The following MOCOS variants were observed in gnomAD, a reference collection of about 807,000 sequenced individuals.
MOCOS encodes the protein human molybdenum cofactor sulfurase.
MOCOS carries 86 observed loss-of-function variants against 83.6 expected under a neutral mutation model. That is an observed-to-expected ratio of 1.03 (90% CI 0.86 to 1.23). The LOEUF is 1.23. Among genes scored for constraint, MOCOS ranks in the 50% most tolerant of loss-of-function variants. The probability of loss-of-function intolerance (pLI) is 0.00; values close to 1 mark genes in which losing one functional copy is unlikely to be tolerated. For missense variants in MOCOS, 1,120 were observed against 1,126.9 expected (o/e 0.99, Z 0.09); for synonymous variants, 445 against 434.7 (o/e 1.02, Z -0.29).
At position 36,255,037 on chromosome 18, in the gene MOCOS, G is replaced by A. The variant is rs185931796; in HGVS notation, c.2165-1931G>A. Among the ~76,000 whole-genome samples, 75 of 151,988 alleles carry A rather than the reference G, an allele frequency of 4.9e-4. No homozygotes were observed. In the East Asian group the frequency reaches 8.7e-3, roughly 18 times the overall value. On this transcript the variant is annotated intron_variant, in intron 11 of 14. Coordinates refer to ENST00000261326, the MANE Select transcript of MOCOS (RefSeq NM_017947.4). ...CTTTGCACCCAGCCCATAATTTTTCGTAGTACACAGTTGATCAAAGCAACA... is the reference window on the plus strand; with the variant it reads ...CTTTGCACCCAGCCCATAATTTTTCATAGTACACAGTTGATCAAAGCAACA...
chr18:36,210,975 G>T (rs1290035878), intron 6 of MOCOS, among the ~76,000 whole-genome samples: 2 of 151,948 alleles, frequency 1.3e-5, no homozygotes, highest in Non-Finnish European at 2.9e-5. Context: ...GCCTGTGTGG[G>T]TGTCTGGGGA....
Position 36,211,135 on chromosome 18 carries a change from A to T in MOCOS, c.1219-2231A>T, listed in dbSNP as rs562778869. On this transcript the variant is annotated intron_variant, in intron 6 of 14. Coordinates refer to ENST00000261326, the MANE Select transcript of MOCOS (RefSeq NM_017947.4). ...GTTACGGTTTTTTCAGGTTCAGGGA[A>T]CTTCACGATATGGGAATTTCCACAG... Among the ~76,000 whole-genome samples, 54 of 152,194 alleles carry T rather than the reference A, an allele frequency of 3.5e-4. 1 individual carries two copies. The South Asian group carries it at 0.011, about 31-fold the overall frequency.
intron 9 of MOCOS, among the ~76,000 whole-genome samples, chr18:36,230,996 A>G (rs1284560128): frequency 3.3e-5 from 5 of 152,182 alleles, no homozygotes; most frequent in African/African-American, 1.2e-4. Context: ...GCACTGATGG[A>G]AGACATTCTT....
intron 9 of MOCOS, among the ~76,000 whole-genome samples, chr18:36,240,229 A>C (rs1443514727): frequency 3.1e-5 from 4 of 127,236 alleles, no homozygotes; most frequent in Non-Finnish European, 6.5e-5. Context: ...TAGAGTTTCC[A>C]GTTTTTCTGT....
intron 9 of MOCOS, among the ~76,000 whole-genome samples, chr18:36,229,389 G>A (rs1288977840): frequency 1.3e-5 from 2 of 151,980 alleles, no homozygotes; most frequent in South Asian, 2.1e-4. Context: ...TGTATTATGA[G>A]GGTTCCCTTG....
chr18:36,267,052 TG>T (rs1226476464), intron 14 of MOCOS, among the ~76,000 whole-genome samples, 199 bp downstream of exon 14: 1 of 152,084 alleles, frequency 6.6e-6, no homozygotes, highest in Non-Finnish European at 1.5e-5. Context: ...CACTTTTTTT[TG>T]TTTTACTTCA....
At chr18:36,210,850 C>CAAAAAAAAAAAAAAAAAAAAAAAAAAAAA (rs60856965) in intron 6 of MOCOS, among the ~76,000 whole-genome samples, 5 of 48,068 alleles carry the variant, frequency 1.0e-4, no homozygotes, top group Non-Finnish European at 1.4e-4. Context: ...GACTCTGTCT[C>CAAAAAAAAAAAAAAAAAAAAAAAAAAAAA]AAAAAAAAAA....
chr18:36,214,390 C>T (rs1044843363), intron 7 of MOCOS, among the ~76,000 whole-genome samples: 26 of 152,110 alleles, frequency 1.7e-4, no homozygotes, highest in South Asian at 4.1e-4. Context: ...TGAGGATGTG[C>T]CCTTACCTGG....
intron 5 of MOCOS, among the ~76,000 whole-genome samples, chr18:36,204,746 A>G (rs1456792303): frequency 3.3e-5 from 5 of 152,058 alleles, no homozygotes. Flanking sequence ...TAATCCCAGC[A>G]CTTTGGGAGG....
In MOCOS at chr18:36,262,250, T is replaced by TACACACACAC. The variant is rs71168212; in HGVS notation, c.2409+2092_2409+2101dup. Among the ~76,000 whole-genome samples the TACACACACAC allele has an allele frequency of 2.7e-3, 343 of 127,898 alleles. 6 individuals are homozygous for TACACACACAC. The highest frequency in any genetic ancestry group is 0.013 in the Middle Eastern group (3 of 238). The allele number at this position is 127,898 out of a possible 152,430, so 83.9% of individuals were successfully genotyped here. A position where few individuals can be genotyped will look rare whatever the true frequency, so the allele number is the denominator to read the frequency against. On this transcript the variant is annotated intron_variant, in intron 13 of 14. Coordinates refer to ENST00000261326, the MANE Select transcript of MOCOS (RefSeq NM_017947.4). ...AGCATAGCAAGACTTCGTCTCTCTC[T>TACACACACAC]ACACACACACACACACACACACACA...
chr18:36,241,999 C>T (rs1449369583), intron 9 of MOCOS, among the ~76,000 whole-genome samples: 1 of 152,254 alleles, frequency 6.6e-6, no homozygotes, highest in East Asian at 1.9e-4. Flanking sequence ...CCTCCTAGGC[C>T]TCCGGGCCGT....
Position 36,248,998 on chromosome 18 carries a change from C to T in MOCOS, c.2037C>T (p.Asp679=). 1.9e-6 allele frequency: 3 copies of T among 1,613,928 alleles called. No individual in the cohort carries two copies. The highest frequency in any genetic ancestry group is 1.3e-5 in the African/African-American group (1 of 75,052). The stretch of plus-strand genomic sequence containing the variant: ...TTCGCCAAAGCAGGGTCTGTGCTGA[C>T]AGGTGAGACTCTGAAGCACGTGAAA... ...TQIRQSRVCA[D]RVSTYDCGEK... is the part of the protein sequence containing the mutation. Residue 679 remains aspartate, a splice_region_variant and synonymous_variant, in exon 10 of 15, where the codon GAC becomes GAT. Coordinates refer to ENST00000261326, the MANE Select transcript of MOCOS (RefSeq NM_017947.4).
intron 12 of MOCOS, among the ~76,000 whole-genome samples, chr18:36,258,388 T>C (rs1307716818): frequency 6.6e-6 from 1 of 152,192 alleles, no homozygotes; most frequent in Non-Finnish European, 1.5e-5. Flanking sequence ...AAGCCCAAAG[T>C]GAGGGTTTAT....
intron 13 of MOCOS, among the ~76,000 whole-genome samples, chr18:36,262,782 C>A (rs1015339060): frequency 1.9e-4 from 29 of 152,318 alleles, no homozygotes; most frequent in African/African-American, 6.5e-4. Context: ...TAGGCATAGG[C>A]CACCACGCTT....
intron 9 of MOCOS, among the ~76,000 whole-genome samples, chr18:36,229,270 T>G (rs1952345476): frequency 6.6e-6 from 1 of 152,178 alleles, no homozygotes; most frequent in African/African-American, 2.4e-5. Context: ...TTTCTCAGCT[T>G]TTTCTTGGTA....
chr18:36,191,917 T>C (rs763226724), intron 1 of MOCOS, among the ~76,000 whole-genome samples: 16 of 152,226 alleles, frequency 1.1e-4, no homozygotes, highest in Non-Finnish European at 2.1e-4. Context: ...TAAATATTTC[T>C]TGAATGCAAA....
At chr18:36,260,440 G>A (rs749829392) in intron 13 of MOCOS, among the ~76,000 whole-genome samples, 52 of 152,194 alleles carry the variant, frequency 3.4e-4, no homozygotes, top group Non-Finnish European at 4.0e-4. Context: ...CTGTGCTGTC[G>A]TTATGTCCAG....
At chr18:36,198,582 T>C in intron 2 of MOCOS, 108 bp from the exon 3 acceptor site, 1 of 1,038,270 alleles carries the variant, frequency 9.6e-7, no homozygotes. Context: ...GGTGATATGG[T>C]AGTTTTATGT....
chr18:36,214,244 C>CA (rs33965546), intron 7 of MOCOS, among the ~76,000 whole-genome samples: 41,018 of 91,116 alleles, frequency 0.45, 8,262 homozygotes, highest in Non-Finnish European at 0.48. Flanking sequence ...AACTCAGTCT[C>CA]AAAAAAAAAA....
Sources: gnomAD v4.1 joint callset for allele counts (sites outside exome capture counted in the v4.1 genomes callset) on GRCh38, gnomAD v4.1.1 for gene constraint, MANE v1.5 for transcripts, NCBI Gene and HGNC (gene_info 2026-07-23, HGNC 2026-07-21) for gene names.